THRB: variants seen among roughly 807,000 people sequenced by gnomAD.
The protein encoded by THRB is thyroid hormone receptor beta.
THRB carries 12 observed loss-of-function variants against 47.8 expected under a neutral mutation model. That is an observed-to-expected ratio of 0.25 (90% CI 0.16 to 0.41). THRB has a LOEUF of 0.41. Ranked by LOEUF, THRB falls within the 10% of genes least tolerant of loss-of-function variation. The probability of loss-of-function intolerance (pLI) is 1.00; values close to 1 mark genes in which losing one functional copy is unlikely to be tolerated. For synonymous variants in THRB, 218 were observed against 212.2 expected, an observed-to-expected ratio of 1.03 and a Z score of -0.24; for missense variants, 348 against 589.2, an observed-to-expected ratio of 0.59 and a Z score of 4.24.
Position 24,119,115 on chromosome 3 carries a change from A to G in THRB, c.*3769T>C, listed in dbSNP as rs980536476. 4 of 152,248 alleles carry G rather than the reference A, an allele frequency of 2.6e-5. No homozygotes were observed. The highest frequency in any genetic ancestry group is 9.7e-5 in the African/African-American group (4 of 41,350). The allele number at this position is 152,248 out of a possible 1,614,324, so 9.4% of individuals were successfully genotyped here. A position where few individuals can be genotyped will look rare whatever the true frequency, so the allele number is the denominator to read the frequency against. Reference sequence around the variant, plus strand: ...ATAATAAATATCTACATCACAGTACAATAAAATTTCTTCTCTATAAAATTT... The same window carrying G: ...ATAATAAATATCTACATCACAGTACGATAAAATTTCTTCTCTATAAAATTT... On this transcript the variant is annotated 3_prime_UTR_variant, in exon 11 of 11. Transcript: ENST00000646209.
intron 4 of THRB, among the ~76,000 whole-genome samples, chr3:24,198,321 T>C (rs745684071): frequency 6.6e-6 from 1 of 152,172 alleles, no homozygotes; most frequent in East Asian, 1.9e-4. Context: ...GGAAGCGTTA[T>C]AGGTTATAGG....
At chr3:24,475,290 A>T (rs1695281668) in intron 1 of THRB, among the ~76,000 whole-genome samples, 1 of 152,194 alleles carries the variant, frequency 6.6e-6, no homozygotes, top group Admixed American at 6.5e-5. Flanking sequence ...TAATTTATGA[A>T]AATTGCAATG....
intron 4 of THRB, among the ~76,000 whole-genome samples, chr3:24,210,402 ATTTG>A (rs1271467035): frequency 4.7e-5 from 7 of 148,474 alleles, no homozygotes; most frequent in East Asian, 4.0e-4. Context: ...AGGTTGGTTT[ATTTG>A]TTTGTTTTTT....
chr3:24,445,637 T>C (rs1049476644), intron 1 of THRB, among the ~76,000 whole-genome samples: 4 of 152,140 alleles, frequency 2.6e-5, no homozygotes, highest in African/African-American at 9.7e-5. Context: ...CTTAATGCTG[T>C]TGAATGTGAG....
chr3:24,179,084 T>C (rs569637451), intron 5 of THRB, among the ~76,000 whole-genome samples: 32 of 152,272 alleles, frequency 2.1e-4, no homozygotes, highest in Non-Finnish European at 2.9e-4. Flanking sequence ...GAAAATAAGA[T>C]TGGTATAGAG....
At chr3:24,329,015 T>C (rs2061752815) in intron 2 of THRB, among the ~76,000 whole-genome samples, 1 of 152,028 alleles carries the variant, frequency 6.6e-6, no homozygotes. Flanking sequence ...GCCATGATCA[T>C]GGCTCACTGC....
intron 3 of THRB, among the ~76,000 whole-genome samples, chr3:24,287,550 T>A (rs1444146495): frequency 6.6e-6 from 1 of 152,198 alleles, no homozygotes; most frequent in Non-Finnish European, 1.5e-5. Flanking sequence ...GGGATTCTGA[T>A]ATCCTGAAAA....
intron 1 of THRB, among the ~76,000 whole-genome samples, chr3:24,342,704 T>TGTGCAAGGTACC (rs1473916549): frequency 6.6e-6 from 1 of 152,160 alleles, no homozygotes; most frequent in Non-Finnish European, 1.5e-5. Flanking sequence ...ACAGTCATGC[T>TGTGCAAGGTACC]GTGCAAGGTA....
At chr3:24,302,939 T>G (rs1481140167) in intron 2 of THRB, among the ~76,000 whole-genome samples, 1 of 152,220 alleles carries the variant, frequency 6.6e-6, no homozygotes, top group African/African-American at 2.4e-5. Context: ...CTACATTTAT[T>G]TTTTAGTCCA....
intron 5 of THRB, among the ~76,000 whole-genome samples, chr3:24,180,664 C>T (rs1225714536): frequency 6.6e-6 from 1 of 152,090 alleles, no homozygotes; most frequent in Non-Finnish European, 1.5e-5. Context: ...ATATTTATTC[C>T]AGTTCAATCA....
chr3:24,290,124 A>G (rs913198612), intron 3 of THRB, among the ~76,000 whole-genome samples: 27 of 152,192 alleles, frequency 1.8e-4, no homozygotes, highest in African/African-American at 6.5e-4. Flanking sequence ...AAAGTTTTCC[A>G]TAGTGTCTGA....
chr3:24,190,293 C>G lies in THRB; in HGVS notation c.64G>C (p.Asp22His), dbSNP rs1237891687. The change falls in exon 5 of 11, where the codon GAC becomes CAC. Residue 22 changes from aspartate to histidine, a missense_variant. Physicochemically the swap from Asp to His is moderately conservative, Grantham distance 81. Around this residue, in one of 5 missense-constraint regions of THRB, gnomAD observed 148 missense variants for 122.3 expected, o/e 1.21. Coordinates refer to ENST00000646209, the MANE Select transcript of THRB (RefSeq NM_001354712.2). ...TAWDKPKHCPDREHDWKLVGM... is the reference protein window; with the variant it reads ...TAWDKPKHCPHREHDWKLVGM... ...ACTAGCTTCCAGTCGTGTTCTCGGT[C>G]TGGACAGTGCTTCGGTTTGTCCCAG... 3.1e-6 allele frequency: 5 copies of G among 1,613,966 alleles called. No individual in the cohort carries two copies. Among genetic ancestry groups the G allele is most frequent in the African/African-American group, 1.3e-5 (1 of 74,916 alleles).
At chr3:24,355,463 G>C (rs1188551614) in intron 1 of THRB, among the ~76,000 whole-genome samples, 5 of 152,180 alleles carry the variant, frequency 3.3e-5, no homozygotes, top group Non-Finnish European at 7.3e-5. Flanking sequence ...AATTTGAACA[G>C]AGGATGTCAA....
rs576440386 is a variant in THRB at position 24,134,990 on chromosome 3, G to A, written c.739-1528C>T. Among the ~76,000 whole-genome samples the A allele has an allele frequency of 2.6e-4, 39 of 152,276 alleles. No homozygotes were observed. In the East Asian group the frequency reaches 6.8e-3, roughly 26 times the overall value. ...TAGTGGCCCCCAAACTTCACTGTGCGTCAGTATCACTTGATTTCTGGGCCC... is the reference window on the plus strand; with the variant it reads ...TAGTGGCCCCCAAACTTCACTGTGCATCAGTATCACTTGATTTCTGGGCCC... On this transcript the variant is annotated intron_variant, in intron 8 of 10. Transcript: ENST00000646209.
At chr3:24,465,404 G>A (rs1192321741) in intron 1 of THRB, among the ~76,000 whole-genome samples, 3 of 152,078 alleles carry the variant, frequency 2.0e-5, no homozygotes, top group African/African-American at 7.2e-5. Context: ...TCTGCCTGGG[G>A]TTTAGAATTA....
intron 1 of THRB, among the ~76,000 whole-genome samples, chr3:24,443,069 C>G (rs1401978915): frequency 1.3e-5 from 2 of 151,740 alleles, no homozygotes. Context: ...GTAACCCCAG[C>G]TATTTGGGAG....
intron 3 of THRB, among the ~76,000 whole-genome samples, chr3:24,261,171 T>C (rs1181035699): frequency 9.3e-6 from 1 of 107,880 alleles, no homozygotes; most frequent in Non-Finnish European, 1.8e-5. Context: ...TTGGCCATCC[T>C]GTCAACTAGC....
At chr3:24,364,058 A>C (rs2064271097) in intron 1 of THRB, among the ~76,000 whole-genome samples, 1 of 152,130 alleles carries the variant, frequency 6.6e-6, no homozygotes, top group African/African-American at 2.4e-5. Flanking sequence ...AATTCTACCT[A>C]AGTCTTAATG....
intron 5 of THRB, among the ~76,000 whole-genome samples, chr3:24,161,645 CACACACACAG>C (rs1272303760): frequency 6.6e-6 from 1 of 151,426 alleles, no homozygotes; most frequent in African/African-American, 2.4e-5. Flanking sequence ...CACACACACA[CACACACACAG>C]ACAGAATTCT....
Sources: gnomAD v4.1 joint callset for allele counts (sites outside exome capture counted in the v4.1 genomes callset) on GRCh38, gnomAD v4.1.1 for gene constraint, gnomAD v4.1.1 regional missense constraint, MANE v1.5 for transcripts, NCBI Gene and HGNC (gene_info 2026-07-23, HGNC 2026-07-21) for gene names.